Variants in GRK4 observed in about 807,000 individuals in gnomAD.
GRK4 encodes the protein G protein-coupled receptor kinase 2-like.
In GRK4, 73 loss-of-function variants were observed where a neutral mutation model predicts 77.9. The observed-to-expected ratio is 0.94, with a 90% CI of 0.78 to 1.14. The LOEUF is 1.14. GRK4 is among the 50% of genes most tolerant of loss of function. The pLI is 0.00. For missense variants in GRK4, 729 were observed against 700.2 expected, an observed-to-expected ratio of 1.04 and a Z score of -0.46; for synonymous variants, 257 against 254.4, an observed-to-expected ratio of 1.01 and a Z score of -0.10.
intron 8 of GRK4, among the ~76,000 whole-genome samples, chr4:3,018,077 T>C (rs911170266): frequency 4.5e-4 from 67 of 150,542 alleles, no homozygotes; most frequent in South Asian, 6.3e-4. Flanking sequence ...TCTTTTTCTT[T>C]TTTTTTTTTT....
In GRK4 at chr4:3,012,441, C is replaced by T. The variant is rs566697152; in HGVS notation, c.601-1247C>T. 2.6e-5 allele frequency among the ~76,000 whole-genome samples: 4 copies of T among 152,328 alleles called. No individual in the cohort carries two copies. The East Asian group carries it at 7.7e-4, about 29-fold the overall frequency. On this transcript the variant is annotated intron_variant, in intron 7 of 15. Coordinates refer to ENST00000398052, the MANE Select transcript of GRK4 (RefSeq NM_182982.3). ...AAAATCAAATAGAGCAAAATATTAA[C>T]AGTCATTATCTTGGAATTACGGGTG...
intron 6 of GRK4, 41 bp downstream of exon 6, chr4:3,007,869 G>A: frequency 7.3e-7 from 1 of 1,361,854 alleles, no homozygotes; most frequent in Non-Finnish European, 1.0e-6. Context: ...CAATTGAGGT[G>A]GCACATGCCT....
At chr4:2,992,810 A>C (rs559211736) in intron 4 of GRK4, among the ~76,000 whole-genome samples, 1 of 151,410 alleles carries the variant, frequency 6.6e-6, no homozygotes, top group South Asian at 2.1e-4. Flanking sequence ...GCAAAACCGC[A>C]TTGCTACAAA....
intron 1 of GRK4, chr4:2,965,421 C>A: frequency 4.3e-6 from 3 of 703,080 alleles, no homozygotes; most frequent in Non-Finnish European, 5.2e-6. Flanking sequence ...TTCTTCACAC[C>A]CCGTCACTCT....
intron 13 of GRK4, among the ~76,000 whole-genome samples, chr4:3,037,044 G>GGCGTGTGT (rs1553904179): frequency 6.9e-6 from 1 of 144,274 alleles, no homozygotes; most frequent in African/African-American, 2.6e-5. Flanking sequence ...CCTCAGGAGG[G>GGCGTGTGT]GTGTGTGTGT....
chr4:2,987,909 C>G (rs1175257341), intron 2 of GRK4, among the ~76,000 whole-genome samples: 1 of 151,774 alleles, frequency 6.6e-6, no homozygotes, highest in Non-Finnish European at 1.5e-5. Flanking sequence ...AACCACATCT[C>G]TACTAAAAAT....
chr4:3,022,942 C>T (rs1012762181), intron 10 of GRK4, among the ~76,000 whole-genome samples: 2 of 152,190 alleles, frequency 1.3e-5, no homozygotes, highest in South Asian at 2.1e-4. Context: ...CTCCTGCCTT[C>T]CCTCCCAAAG....
intron 1 of GRK4, chr4:2,965,512 C>T (rs1454971633): frequency 1.4e-6 from 1 of 698,546 alleles, no homozygotes; most frequent in Non-Finnish European, 2.6e-6. Flanking sequence ...GTGTAAATGC[C>T]GACTGAAGAT....
chr4:3,007,710 T>C lies in GRK4; in HGVS notation c.444-26T>C, dbSNP rs760016831. ...TTTATTTCTTAATACAACAAATGTA[T>C]ATAATTTTAAAAAATCTTTTTCTAG... is the stretch of plus-strand genomic sequence containing the variant. On this transcript the variant is annotated intron_variant, in intron 5 of 15. Coordinates refer to ENST00000398052, the MANE Select transcript of GRK4 (RefSeq NM_182982.3). The C allele has an allele frequency of 7.0e-6, 10 of 1,432,082 alleles. No homozygotes were observed. In the Admixed American group the frequency reaches 7.7e-5, roughly 11 times the overall value. 88.7% of individuals were successfully genotyped at this position (1,432,082 alleles called of 1,614,324 possible). A position where few individuals can be genotyped will look rare whatever the true frequency, so the allele number is the denominator to read the frequency against.
chr4:2,995,396 C>G (rs1727514071), intron 4 of GRK4, among the ~76,000 whole-genome samples: 1 of 151,604 alleles, frequency 6.6e-6, no homozygotes, highest in African/African-American at 2.4e-5. Flanking sequence ...GGACCAGGTG[C>G]TGTGGCTCAC....
intron 13 of GRK4, 135 bp from the exon 14 acceptor site, chr4:3,037,239 G>C (rs1230735130): frequency 5.8e-6 from 5 of 860,184 alleles, no homozygotes; most frequent in Non-Finnish European, 7.1e-6. Flanking sequence ...AGTGAGAGGG[G>C]CCTGGCAAAA....
intron 7 of GRK4, among the ~76,000 whole-genome samples, chr4:3,010,966 A>G (rs565240300): frequency 5.9e-5 from 9 of 152,320 alleles, no homozygotes; most frequent in African/African-American, 2.2e-4. Flanking sequence ...TCCAGAGACC[A>G]TGAAGAATAT....
At chr4:2,987,118 C>T (rs1724632442) in intron 2 of GRK4, 1 of 518,508 alleles carries the variant, frequency 1.9e-6, no homozygotes, top group African/African-American at 1.9e-5. Flanking sequence ...CTGACTCCTT[C>T]CTGCCCGCTA....
chr4:3,007,101 C>A (rs1731560310), intron 5 of GRK4, among the ~76,000 whole-genome samples: 1 of 152,078 alleles, frequency 6.6e-6, no homozygotes, highest in South Asian at 2.1e-4. Flanking sequence ...CTTTGGGAGG[C>A]TGAGATGGGA....
At chr4:2,987,208 A>C in intron 2 of GRK4, 1 of 492,320 alleles carries the variant, frequency 2.0e-6, no homozygotes, top group South Asian at 1.5e-5. Context: ...AATGGGAATC[A>C]TAAACTATGT....
intron 5 of GRK4, among the ~76,000 whole-genome samples, chr4:3,006,690 A>G (rs1483075498): frequency 6.6e-6 from 1 of 151,996 alleles, no homozygotes; most frequent in African/African-American, 2.4e-5. Flanking sequence ...GGGAGGATCA[A>G]TTGAGCCTGG....
chr4:3,016,532 CAA>C (rs527985170), intron 8 of GRK4, among the ~76,000 whole-genome samples: 45 of 77,180 alleles, frequency 5.8e-4, no homozygotes, highest in African/African-American at 4.0e-4. Context: ...ACTCAATCTC[CAA>C]AAAAAAAAAA....
chr4:3,019,555 A>T, intron 8 of GRK4, 86 bp from the exon 9 acceptor site: 1 of 1,097,604 alleles, frequency 9.1e-7, no homozygotes, highest in Non-Finnish European at 1.4e-6. Context: ...CCTAACACAG[A>T]TTATTTGCAT....
intron 6 of GRK4, among the ~76,000 whole-genome samples, chr4:3,008,991 G>C (rs1232491574): frequency 6.6e-6 from 1 of 152,134 alleles, no homozygotes; most frequent in African/African-American, 2.4e-5. Flanking sequence ...CTTTCTGACA[G>C]GTTGAGAGGG....
Sources: gnomAD v4.1 joint callset for allele counts (sites outside exome capture counted in the v4.1 genomes callset) on GRCh38, gnomAD v4.1.1 for gene constraint, MANE v1.5 for transcripts, NCBI Gene and HGNC (gene_info 2026-07-23, HGNC 2026-07-21) for gene names.